ERCC1: variants seen among roughly 807,000 people sequenced by gnomAD.
ERCC1 encodes ERCC excision repair 1, endonuclease non-catalytic subunit, also known as DNA excision repair protein ERCC-1.
A neutral mutation model predicts 37.6 loss-of-function variants in ERCC1; 36 were observed. The ratio of observed to expected loss-of-function variants is 0.96; its 90% CI spans 0.73 to 1.26. The LOEUF (loss-of-function observed/expected upper bound fraction) is 1.26, where lower values mean the gene tolerates loss of function less well. Among genes scored for constraint, ERCC1 ranks in the 50% most tolerant of loss-of-function variants. The pLI is 0.00. For missense variants in ERCC1, 349 were observed against 376.5 expected (o/e 0.93, Z 0.60); for synonymous variants, 156 against 162.1 (o/e 0.96, Z 0.28).
intron 1 of ERCC1, among the ~76,000 whole-genome samples, chr19:45,443,833 C>G (rs904347622): frequency 4.6e-5 from 7 of 152,038 alleles, no homozygotes; most frequent in African/African-American, 1.7e-4. Flanking sequence ...ACTCTACCCT[C>G]CTGTGGCCCT....
Position 45,412,247 on chromosome 19 carries a change from C to A in ERCC1, c.843+1430G>T, listed in dbSNP as rs139872337. 2.2e-3 allele frequency among the ~76,000 whole-genome samples: 336 copies of A among 152,166 alleles called. 3 individuals are homozygous for A. Among genetic ancestry groups the A allele is most frequent in the African/African-American group, 7.5e-3 (312 of 41,486 alleles). ...GATTTCAGCTCACTGCAACCTCCGT[C>A]TCCCGGGTTCAAGAGATTCTCCTGC... On this transcript the variant is annotated intron_variant, in intron 9 of 9. Coordinates refer to ENST00000300853, the MANE Select transcript of ERCC1 (RefSeq NM_001983.4).
chr19:45,409,036 T>C lies in ERCC1; in HGVS notation c.*639A>G, dbSNP rs571732598. The C allele has an allele frequency of 6.2e-7, 1 of 1,613,866 alleles. No individual in the cohort carries two copies. The highest frequency in any genetic ancestry group is 8.5e-7 in the Non-Finnish European group (1 of 1,179,960). ...AGCCAGTGGAGCCGGAGATGAAGCC[T>C]CTGGAGTCCCCAGGGGGGACCATGG... On this transcript the variant is annotated 3_prime_UTR_variant, in exon 10 of 10. Coordinates refer to ENST00000300853, the MANE Select transcript of ERCC1 (RefSeq NM_001983.4).
At chr19:45,449,931 TCCAGCCTGG>T (rs779400263) in intron 1 of ERCC1, among the ~76,000 whole-genome samples, 97 of 152,072 alleles carry the variant, frequency 6.4e-4, no homozygotes, top group Non-Finnish European at 1.0e-3. Context: ...GCCATTGCAC[TCCAGCCTGG>T]GCAAAAAGAG....
At chr19:45,421,444 C>T (rs780529907) in intron 2 of ERCC1, 51 bp from the exon 3 acceptor site, 1 of 1,331,204 alleles carries the variant, frequency 7.5e-7, no homozygotes, top group Non-Finnish European at 1.0e-6. Flanking sequence ...GAGCAGAGGA[C>T]ATCTGAGGCC....
chr19:45,428,612 C>T (rs561227654), upstream of ERCC1, among the ~76,000 whole-genome samples: 281 of 152,354 alleles, frequency 1.8e-3, 1 homozygote, highest in East Asian at 8.5e-3. Flanking sequence ...CTCTCAACTT[C>T]GAGCCCTTTG....
intron 1 of ERCC1, among the ~76,000 whole-genome samples, chr19:45,433,302 G>T (rs1419450482): frequency 6.6e-6 from 1 of 152,124 alleles, no homozygotes; most frequent in East Asian, 1.9e-4. Flanking sequence ...AAGGCAGGTG[G>T]ATCACCAGAG....
At chr19:45,433,482 C>A (rs558941787) in intron 1 of ERCC1, among the ~76,000 whole-genome samples, 2 of 151,534 alleles carry the variant, frequency 1.3e-5, no homozygotes, top group Admixed American at 6.6e-5. Context: ...GCCGAGATTG[C>A]GCCATTGTAC....
intron 1 of ERCC1, among the ~76,000 whole-genome samples, chr19:45,445,157 C>A (rs1966903321): frequency 6.6e-6 from 1 of 152,182 alleles, no homozygotes; most frequent in African/African-American, 2.4e-5. Flanking sequence ...GCTAGGATTA[C>A]AAGCCTGTGC....
Position 45,419,049 on chromosome 19 carries a change from CACA to C in ERCC1, c.525+46_525+48del, listed in dbSNP as rs1391045570. 6 of 1,314,090 alleles carry C rather than the reference CACA, an allele frequency of 4.6e-6. No individual in the cohort carries two copies. In the Admixed American group the frequency reaches 1.2e-4, roughly 26 times the overall value. The allele number at this position is 1,314,090 out of a possible 1,614,324, so 81.4% of individuals were successfully genotyped here. Reference sequence around the variant, plus strand: ...TTGGAAGGGATTCAACAGCCCACTGCACAACCTCAAAGCCCGGTGAGGCTGGCT... The same window carrying C: ...TTGGAAGGGATTCAACAGCCCACTGCACCTCAAAGCCCGGTGAGGCTGGCT... On this transcript the variant is annotated intron_variant, in intron 5 of 9. Transcript: ENST00000300853.
At chr19:45,426,107 G>A (rs1011796657), upstream of ERCC1, among the ~76,000 whole-genome samples, 1 of 151,912 alleles carries the variant, frequency 6.6e-6, no homozygotes, top group Non-Finnish European at 1.5e-5. Context: ...GAGTCCCGGT[G>A]CAGTGGCTCA....
chr19:45,418,755 G>A (rs934879096), intron 5 of ERCC1, among the ~76,000 whole-genome samples: 3 of 150,786 alleles, frequency 2.0e-5, no homozygotes, highest in African/African-American at 7.3e-5. Flanking sequence ...CCCCAGAGGT[G>A]AAGGCTGCAG....
At position 45,414,846 on chromosome 19, in the gene ERCC1, G is replaced by A. The variant is rs1256872835; in HGVS notation, c.702+15C>T. On this transcript the variant is annotated intron_variant, in intron 7 of 9. Transcript: ENST00000300853. Reference sequence around the variant, plus strand: ...GGGGAGGCCCAGGCAGGGATGGGAGGTGAGGTGGCCTCACCCGGGAGACGA... The same window carrying A: ...GGGGAGGCCCAGGCAGGGATGGGAGATGAGGTGGCCTCACCCGGGAGACGA... 2 of 1,596,048 alleles carry A rather than the reference G, an allele frequency of 1.3e-6. No individual in the cohort carries two copies. The highest frequency in any genetic ancestry group is 2.2e-5 in the East Asian group (1 of 44,802).
At chr19:45,431,621 G>C (rs1423176032) in intron 1 of ERCC1, among the ~76,000 whole-genome samples, 1 of 148,454 alleles carries the variant, frequency 6.7e-6, no homozygotes, top group Non-Finnish European at 1.5e-5. Flanking sequence ...AGGCTGCAAT[G>C]AGCCAAGATC....
rs767764676 is a variant in ERCC1 at position 45,409,517 on chromosome 19, C to A, written c.*158G>T. On this transcript the variant is annotated 3_prime_UTR_variant, in exon 10 of 10. Coordinates refer to ENST00000300853, the MANE Select transcript of ERCC1 (RefSeq NM_001983.4). ...GCCTGTGTAGTCTGCCCCCGGGAAA[C>A]TGAGGAACTAAAGAAAGCTGAAGGT... 6.3e-7 allele frequency: 1 copy of A among 1,593,112 alleles called. No homozygotes were observed.
At chr19:45,418,563 C>A (rs1162556382) in intron 5 of ERCC1, among the ~76,000 whole-genome samples, 1 of 151,106 alleles carries the variant, frequency 6.6e-6, no homozygotes, top group Non-Finnish European at 1.5e-5. Context: ...GTGGCTCATG[C>A]CTGTAATCCC....
intron 1 of ERCC1, among the ~76,000 whole-genome samples, chr19:45,442,963 C>T (rs575098363): frequency 3.3e-5 from 5 of 152,158 alleles, no homozygotes; most frequent in South Asian, 4.1e-4. Context: ...TTAGTTATGA[C>T]GTCTGAGTGA....
chr19:45,413,561 C>T, intron 9 of ERCC1, 116 bp downstream of exon 9: 1 of 1,613,528 alleles, frequency 6.2e-7, no homozygotes, highest in Non-Finnish European at 8.5e-7. Flanking sequence ...CAGGCGGAAG[C>T]CACTGTGTCT....
Position 45,409,424 on chromosome 19 carries a change from C to A in ERCC1, c.*251G>T. 1 of 1,613,746 alleles carries A rather than the reference C, an allele frequency of 6.2e-7. No homozygotes were observed. Among genetic ancestry groups the A allele is most frequent in the African/African-American group, 1.3e-5 (1 of 75,028 alleles). Reference sequence around the variant, plus strand: ...CCAAGAGGAGATGCCAGGGCCGCCACTGAATTCAGAGTCTGGGGAGGAGGC... The same window carrying A: ...CCAAGAGGAGATGCCAGGGCCGCCAATGAATTCAGAGTCTGGGGAGGAGGC... On this transcript the variant is annotated 3_prime_UTR_variant, in exon 10 of 10. Transcript: ENST00000300853.
At chr19:45,438,233 T>C (rs941983724) in intron 1 of ERCC1, among the ~76,000 whole-genome samples, 1 of 152,094 alleles carries the variant, frequency 6.6e-6, no homozygotes, top group Non-Finnish European at 1.5e-5. Context: ...TTTTTATTTT[T>C]ATTATTGTGC....
Sources: gnomAD v4.1 joint callset for allele counts (sites outside exome capture counted in the v4.1 genomes callset) on GRCh38, gnomAD v4.1.1 for gene constraint, MANE v1.5 for transcripts, NCBI Gene and HGNC (gene_info 2026-07-23, HGNC 2026-07-21) for gene names.